SETD7: variants seen among roughly 807,000 people sequenced by gnomAD.
The protein encoded by SETD7 is histone-lysine N-methyltransferase SETD7.
In SETD7, 16 loss-of-function variants were observed where a neutral mutation model predicts 41.8. The ratio of observed to expected loss-of-function variants is 0.38; its 90% CI spans 0.26 to 0.58. The LOEUF is 0.58. Ranked by LOEUF, SETD7 falls within the 20% of genes least tolerant of loss-of-function variation. The pLI, the probability that SETD7 is intolerant of heterozygous loss-of-function variation, is 0.64. For missense variants in SETD7, 346 were observed against 459.7 expected (o/e 0.75, Z 2.26); for synonymous variants, 163 against 169.7 (o/e 0.96, Z 0.31).
intron 4 of SETD7, among the ~76,000 whole-genome samples, chr4:139,525,454 G>C (rs1228812848): frequency 1.3e-5 from 2 of 152,126 alleles, no homozygotes; most frequent in African/African-American, 2.4e-5. Flanking sequence ...CCTTTGACTA[G>C]AATTCATTTA....
intron 2 of SETD7, 118 bp from the exon 3 acceptor site, chr4:139,533,484 C>T (rs749024114): frequency 2.7e-5 from 22 of 805,814 alleles, no homozygotes; most frequent in Non-Finnish European, 3.8e-5. Flanking sequence ...ATGGATTCAG[C>T]GCAGCCTCCT....
At chr4:139,539,770 AG>A (rs1727734144) in intron 2 of SETD7, among the ~76,000 whole-genome samples, 1 of 152,212 alleles carries the variant, frequency 6.6e-6, no homozygotes, top group African/African-American at 2.4e-5. Flanking sequence ...TTTGGTCCCA[AG>A]GGCAGAGCCC....
intron 2 of SETD7, among the ~76,000 whole-genome samples, chr4:139,539,048 T>A (rs1222081766): frequency 6.6e-6 from 1 of 152,164 alleles, no homozygotes; most frequent in Non-Finnish European, 1.5e-5. Flanking sequence ...ATTGCTGTAT[T>A]TTCATTAAAA....
rs199914232 is a variant in SETD7, at chr4:139,554,062, A to G, written c.40+2036T>C. Among the ~76,000 whole-genome samples the G allele has an allele frequency of 2.8e-4, 43 of 152,286 alleles. No homozygotes were observed. The East Asian group carries it at 7.5e-3, about 27-fold the overall frequency. ...CTTTTAAAGATTCTGTGCTGCTCTA[A>G]TTGTTTAGTTAGCTACAACTGAGTG... On this transcript the variant is annotated intron_variant, in intron 1 of 7. Transcript: ENST00000274031.
chr4:139,538,005 G>A (rs1727684155), intron 2 of SETD7, among the ~76,000 whole-genome samples: 1 of 152,102 alleles, frequency 6.6e-6, no homozygotes, highest in Non-Finnish European at 1.5e-5. Flanking sequence ...ATATTCATGT[G>A]TATGATGGCA....
intron 1 of SETD7, among the ~76,000 whole-genome samples, chr4:139,553,100 C>T (rs1339264042): frequency 6.6e-6 from 1 of 152,164 alleles, no homozygotes; most frequent in African/African-American, 2.4e-5. Context: ...CACAAGAGCA[C>T]AGCCAACACA....
At chr4:139,535,671 A>G (rs905757650) in intron 2 of SETD7, among the ~76,000 whole-genome samples, 1 of 152,190 alleles carries the variant, frequency 6.6e-6, no homozygotes, top group Non-Finnish European at 1.5e-5. Context: ...ACAAACTGCT[A>G]TTTCCCTCTT....
chr4:139,511,623 A>G lies in SETD7; in HGVS notation c.*40T>C, dbSNP rs1726879618. 6.2e-7 allele frequency: 1 copy of G among 1,612,308 alleles called. No individual in the cohort carries two copies. Among genetic ancestry groups the G allele is most frequent in the Non-Finnish European group, 8.5e-7 (1 of 1,179,672 alleles). ...CAGATAAACGTAGTGCATAGATCCA[A>G]GTTTCTATTCCAGGTCTCTGAACCC... On this transcript the variant is annotated 3_prime_UTR_variant, in exon 8 of 8. Transcript: ENST00000274031.
At chr4:139,549,473 G>C (rs1030603060) in intron 1 of SETD7, among the ~76,000 whole-genome samples, 14 of 146,512 alleles carry the variant, frequency 9.6e-5, no homozygotes, top group African/African-American at 3.5e-4. Context: ...TCCCAGTTGA[G>C]ATGACAACAA....
In SETD7 at chr4:139,517,832, G is replaced by A. The variant is rs112243796; in HGVS notation, c.920+53C>T. The A allele has an allele frequency of 7.8e-5, 121 of 1,552,162 alleles. 1 individual carries two copies. The highest frequency in any genetic ancestry group is 9.7e-5 in the Non-Finnish European group (111 of 1,145,388). ...ATAACACTTTTTACTGCCCTCCTCCGTCTCAGGGCCCTGAGGCATAGATCC... is the reference window on the plus strand; with the variant it reads ...ATAACACTTTTTACTGCCCTCCTCCATCTCAGGGCCCTGAGGCATAGATCC... On this transcript the variant is annotated intron_variant, in intron 7 of 7. Coordinates refer to ENST00000274031, the MANE Select transcript of SETD7 (RefSeq NM_030648.4).
At chr4:139,527,042 T>C (rs1458436416) in intron 4 of SETD7, among the ~76,000 whole-genome samples, 1 of 152,138 alleles carries the variant, frequency 6.6e-6, no homozygotes, top group African/African-American at 2.4e-5. Context: ...ATGAGGTGAG[T>C]TGGTCATTAT....
intron 7 of SETD7, among the ~76,000 whole-genome samples, chr4:139,516,061 T>C (rs563399813): frequency 1.3e-5 from 2 of 152,214 alleles, no homozygotes; most frequent in South Asian, 4.2e-4. Context: ...TACTAAAGTG[T>C]TTGTAGGGCT....
intron 7 of SETD7, among the ~76,000 whole-genome samples, chr4:139,512,544 C>T (rs1009750932): frequency 2.0e-5 from 3 of 152,160 alleles, no homozygotes; most frequent in African/African-American, 7.2e-5. Context: ...AACACTATGG[C>T]TATGTTCATT....
chr4:139,530,287 G>A (rs1189838369), intron 3 of SETD7, among the ~76,000 whole-genome samples: 1 of 150,988 alleles, frequency 6.6e-6, no homozygotes, highest in African/African-American at 2.4e-5. Context: ...TCCAACTTGA[G>A]GATCTAGGAA....
intron 6 of SETD7, among the ~76,000 whole-genome samples, chr4:139,519,908 G>A (rs989370659): frequency 3.3e-5 from 5 of 152,100 alleles, no homozygotes; most frequent in African/African-American, 4.8e-5. Flanking sequence ...CAAAATGTAG[G>A]ATATAGTATA....
At chr4:139,502,580 C>G (rs1726606212), downstream of SETD7, among the ~76,000 whole-genome samples, 1 of 152,214 alleles carries the variant, frequency 6.6e-6, no homozygotes, top group Admixed American at 6.5e-5. Flanking sequence ...CTGAACCCCA[C>G]AGCAAATCCT....
At chr4:139,499,303 A>C (rs920356787) in intron 7 of SETD7, among the ~76,000 whole-genome samples, 2 of 152,208 alleles carry the variant, frequency 1.3e-5, no homozygotes, top group Admixed American at 1.3e-4. Context: ...AAGACTAACA[A>C]GAGGACGCAA....
chr4:139,503,413 G>A (rs180941484), downstream of SETD7, among the ~76,000 whole-genome samples: 212 of 152,066 alleles, frequency 1.4e-3, 1 homozygote, highest in African/African-American at 4.9e-3. Context: ...CCAGCTGCCC[G>A]GCTTCAGACT....
rs371881127 is a variant in SETD7 at position 139,511,648 on chromosome 4, C to A, written c.*15G>T. ...AGTTTCTATTCCAGGTCTCTGAACC[C>A]CAAAGCCAGGCCTTTCACTTTTGCT... is the stretch of plus-strand genomic sequence containing the variant. On this transcript the variant is annotated 3_prime_UTR_variant, in exon 8 of 8. Coordinates refer to ENST00000274031, the MANE Select transcript of SETD7 (RefSeq NM_030648.4). 1.9e-6 allele frequency: 3 copies of A among 1,613,562 alleles called. No individual in the cohort carries two copies. The highest frequency in any genetic ancestry group is 1.7e-6 in the Non-Finnish European group (2 of 1,179,884).
Sources: gnomAD v4.1 joint callset for allele counts (sites outside exome capture counted in the v4.1 genomes callset) on GRCh38, gnomAD v4.1.1 for gene constraint, MANE v1.5 for transcripts, NCBI Gene and HGNC (gene_info 2026-07-23, HGNC 2026-07-21) for gene names.